Variants in FAF1 observed in about 807,000 individuals in gnomAD.
FAF1 encodes FAS-associated factor 1.
Under a neutral mutation model 92.5 loss-of-function variants are expected in FAF1, and 25 were observed. The ratio of observed to expected loss-of-function variants is 0.27; its 90% CI spans 0.20 to 0.38. FAF1 has a LOEUF of 0.38. Among genes scored for constraint, FAF1 ranks in the 10% least tolerant of loss-of-function variants. FAF1 has a pLI of 1.00. For synonymous variants in FAF1, 234 were observed against 273.2 expected, an observed-to-expected ratio of 0.86 and a Z score of 1.42; for missense variants, 636 against 793.3, an observed-to-expected ratio of 0.80 and a Z score of 2.38.
At chr1:50,785,339 G>A (rs911133090) in intron 4 of FAF1, among the ~76,000 whole-genome samples, 3 of 151,728 alleles carry the variant, frequency 2.0e-5, no homozygotes, top group Non-Finnish European at 4.4e-5. Context: ...GAGTAAAAAG[G>A]CAACCTACAG....
intron 14 of FAF1, among the ~76,000 whole-genome samples, chr1:50,535,701 G>C (rs1298684938): frequency 6.6e-6 from 1 of 152,202 alleles, no homozygotes; most frequent in East Asian, 1.9e-4. Flanking sequence ...TTCTTAATGA[G>C]AAGGACTTTT....
At chr1:50,895,408 G>C (rs779868849) in intron 1 of FAF1, among the ~76,000 whole-genome samples, 1 of 152,048 alleles carries the variant, frequency 6.6e-6, no homozygotes, top group Non-Finnish European at 1.5e-5. Flanking sequence ...GGGACCCGAC[G>C]GCTTTACCTG....
rs542487087 is a variant in FAF1, at chr1:50,471,106, T to C, written c.1869+4358A>G. The C allele has an allele frequency of 2.0e-5, 3 of 152,336 alleles. No individual in the cohort carries two copies. In the South Asian group the frequency reaches 6.2e-4, roughly 32 times the overall value. 9.4% of individuals were successfully genotyped at this position (152,336 alleles called of 1,614,324 possible). On this transcript the variant is annotated intron_variant, in intron 18 of 18. Transcript: ENST00000396153. Reference sequence around the variant, plus strand: ...ACAAGAGCGGTTGCACAGCAAATGTTTTGCTATAATGAGAGAATACATGAA... The same window carrying C: ...ACAAGAGCGGTTGCACAGCAAATGTCTTGCTATAATGAGAGAATACATGAA...
Position 50,520,986 on chromosome 1 carries a change from T to C in FAF1, c.1494+14383A>G, listed in dbSNP as rs183624260. ...TATGCTTTGGTTCTCCAACTTTAGA[T>C]GACAAATTCCTTAAAGAACAGGACT... On this transcript the variant is annotated intron_variant, in intron 15 of 18. Coordinates refer to ENST00000396153, the MANE Select transcript of FAF1 (RefSeq NM_007051.3). 2.2e-4 allele frequency among the ~76,000 whole-genome samples: 33 copies of C among 152,352 alleles called. No individual in the cohort carries two copies. In the East Asian group the frequency reaches 5.8e-3, roughly 27 times the overall value.
chr1:50,875,942 T>A (rs922619890), intron 1 of FAF1, among the ~76,000 whole-genome samples: 41 of 152,302 alleles, frequency 2.7e-4, no homozygotes, highest in Non-Finnish European at 1.9e-4. Context: ...AAAAGACAAC[T>A]GGTTTAATTT....
intron 18 of FAF1, among the ~76,000 whole-genome samples, chr1:50,467,810 G>A (rs923051113): frequency 6.6e-6 from 1 of 152,134 alleles, no homozygotes; most frequent in Admixed American, 6.5e-5. Flanking sequence ...TTCCAAAGCA[G>A]GGATTGAGTA....
intron 12 of FAF1, among the ~76,000 whole-genome samples, chr1:50,578,712 T>A (rs1650861600): frequency 6.6e-6 from 1 of 152,134 alleles, no homozygotes; most frequent in South Asian, 2.1e-4. Context: ...GAGATATGTA[T>A]AGGAACATGT....
At chr1:50,525,576 T>TA (rs1487974562) in intron 15 of FAF1, among the ~76,000 whole-genome samples, 2 of 152,224 alleles carry the variant, frequency 1.3e-5, no homozygotes, top group Admixed American at 1.3e-4. Context: ...GGCTAGAAGT[T>TA]ACAGTCCTAT....
chr1:50,933,321 G>A (rs985228394), intron 1 of FAF1, among the ~76,000 whole-genome samples: 1 of 152,178 alleles, frequency 6.6e-6, no homozygotes, highest in African/African-American at 2.4e-5. Flanking sequence ...ATGCCTTGCT[G>A]CTTAGAAGTG....
intron 16 of FAF1, 61 bp downstream of exon 16, chr1:50,491,660 G>T (rs762900318): frequency 2.3e-5 from 27 of 1,187,818 alleles, no homozygotes; most frequent in Admixed American, 6.2e-5. Context: ...AGTGATAAAG[G>T]TTGGCATTTA....
At chr1:50,627,971 G>C (rs1489901288) in intron 8 of FAF1, among the ~76,000 whole-genome samples, 6 of 152,188 alleles carry the variant, frequency 3.9e-5, no homozygotes, top group African/African-American at 1.4e-4. Context: ...AGAATGGCAT[G>C]AGTTGACGAA....
chr1:50,647,745 T>C (rs1188035261), intron 8 of FAF1, among the ~76,000 whole-genome samples: 1 of 152,186 alleles, frequency 6.6e-6, no homozygotes, highest in African/African-American at 2.4e-5. Flanking sequence ...CTACGAGTTA[T>C]TGTTCGACAG....
chr1:50,830,471 A>C (rs1217294695), intron 2 of FAF1, among the ~76,000 whole-genome samples: 1 of 152,236 alleles, frequency 6.6e-6, no homozygotes, highest in African/African-American at 2.4e-5. Flanking sequence ...TAAACTTTCT[A>C]TGATAGTTAT....
intron 7 of FAF1, among the ~76,000 whole-genome samples, chr1:50,697,192 C>T (rs1281937373): frequency 1.3e-5 from 2 of 152,292 alleles, no homozygotes; most frequent in Admixed American, 1.3e-4. Flanking sequence ...TTCAGCCAAT[C>T]ACTACTTTAG....
chr1:50,820,471 T>C (rs1644033008), intron 2 of FAF1, among the ~76,000 whole-genome samples: 1 of 152,188 alleles, frequency 6.6e-6, no homozygotes, highest in Non-Finnish European at 1.5e-5. Flanking sequence ...CTTAGTTACC[T>C]TTTGTGTGCA....
chr1:50,499,153 A>G (rs1646947670), intron 15 of FAF1, among the ~76,000 whole-genome samples: 2 of 152,182 alleles, frequency 1.3e-5, no homozygotes, highest in Non-Finnish European at 2.9e-5. Flanking sequence ...TAAGGTACCT[A>G]GAATAGGCAA....
intron 8 of FAF1, among the ~76,000 whole-genome samples, chr1:50,643,201 C>CT (rs1654429695): frequency 6.6e-6 from 1 of 152,086 alleles, no homozygotes; most frequent in African/African-American, 2.4e-5. Context: ...AGCTATATTT[C>CT]TTTTTCTTTC....
chr1:50,684,623 C>T (rs912898045), intron 7 of FAF1, among the ~76,000 whole-genome samples: 1 of 152,096 alleles, frequency 6.6e-6, no homozygotes, highest in Non-Finnish European at 1.5e-5. Context: ...AACGATCCCA[C>T]TGAAGCCAAT....
intron 15 of FAF1, among the ~76,000 whole-genome samples, chr1:50,512,021 G>C (rs186436516): frequency 6.6e-6 from 1 of 152,134 alleles, no homozygotes; most frequent in East Asian, 1.9e-4. Context: ...TTTCATGTTT[G>C]TTGGCCACAT....
Sources: allele counts gnomAD v4.1 joint callset (sites outside exome capture counted in the v4.1 genomes callset), GRCh38; gene constraint gnomAD v4.1.1; transcripts MANE v1.5; gene names NCBI Gene and HGNC (gene_info 2026-07-23, HGNC 2026-07-21).